Variants in CAMK4 observed in about 807,000 individuals in gnomAD.
The protein encoded by CAMK4 is calcium/calmodulin-dependent protein kinase type IV.
CAMK4 carries 22 observed loss-of-function variants against 44.9 expected under a neutral mutation model. The observed-to-expected ratio is 0.49, with a 90% confidence interval of 0.35 to 0.70. The LOEUF (loss-of-function observed/expected upper bound fraction) is 0.70. Ranked by LOEUF, CAMK4 falls within the 30% of genes least tolerant of loss-of-function variation. The probability of loss-of-function intolerance (pLI) is 0.01; values close to 1 mark genes in which losing one functional copy is unlikely to be tolerated. For synonymous variants in CAMK4, 218 were observed against 215.4 expected, an observed-to-expected ratio of 1.01 and a Z score of -0.11; for missense variants, 498 against 586.8, an observed-to-expected ratio of 0.85 and a Z score of 1.56.
At chr5:111,347,901 A>G (rs1034566361) in intron 2 of CAMK4, among the ~76,000 whole-genome samples, 3 of 152,036 alleles carry the variant, frequency 2.0e-5, no homozygotes, top group Non-Finnish European at 4.4e-5. Flanking sequence ...TATTCCATTC[A>G]ATATTTTATT....
intron 1 of CAMK4, among the ~76,000 whole-genome samples, chr5:111,242,833 T>G (rs899537351): frequency 6.8e-6 from 1 of 146,672 alleles, no homozygotes; most frequent in Non-Finnish European, 1.5e-5. Flanking sequence ...GCCCCCTCAC[T>G]CCACGCCCCC....
chr5:111,309,253 C>G (rs1748096010), intron 1 of CAMK4, among the ~76,000 whole-genome samples: 1 of 152,190 alleles, frequency 6.6e-6, no homozygotes, highest in Non-Finnish European at 1.5e-5. Flanking sequence ...CCTGAAGGGA[C>G]TTATCAATTC....
At chr5:111,422,229 A>C (rs934433078) in intron 5 of CAMK4, among the ~76,000 whole-genome samples, 23 of 152,174 alleles carry the variant, frequency 1.5e-4, no homozygotes, top group Non-Finnish European at 2.4e-4. Flanking sequence ...ACTTCCCTTC[A>C]TATAGATGAT....
intron 2 of CAMK4, among the ~76,000 whole-genome samples, chr5:111,344,835 AC>A (rs1580625137): frequency 6.6e-6 from 1 of 151,700 alleles, no homozygotes; most frequent in East Asian, 2.0e-4. Context: ...TACTGTCTAT[AC>A]CCCCAGAGAG....
At chr5:111,291,736 C>T (rs953726327) in intron 1 of CAMK4, among the ~76,000 whole-genome samples, 3 of 152,138 alleles carry the variant, frequency 2.0e-5, no homozygotes, top group African/African-American at 7.2e-5. Context: ...GTCTCAAACT[C>T]CTGGCCTCAA....
chr5:111,339,653 G>A (rs1749556520), intron 1 of CAMK4, among the ~76,000 whole-genome samples: 1 of 151,390 alleles, frequency 6.6e-6, no homozygotes. Context: ...TTGAAATCAG[G>A]TAGTGTGATG....
intron 1 of CAMK4, among the ~76,000 whole-genome samples, chr5:111,230,050 G>T (rs571923543): frequency 6.6e-6 from 1 of 152,134 alleles, no homozygotes; most frequent in African/African-American, 2.4e-5. Flanking sequence ...ATGTGTACCC[G>T]CTTCCTCTTC....
At chr5:111,435,987 C>G (rs755893334) in intron 5 of CAMK4, among the ~76,000 whole-genome samples, 3 of 152,138 alleles carry the variant, frequency 2.0e-5, no homozygotes, top group Non-Finnish European at 4.4e-5. Context: ...TCTTTATATA[C>G]TTTTATCCTG....
chr5:111,225,806 C>G (rs1410436148), intron 1 of CAMK4, among the ~76,000 whole-genome samples: 1 of 152,166 alleles, frequency 6.6e-6, no homozygotes, highest in Non-Finnish European at 1.5e-5. Flanking sequence ...GTAAAATAGG[C>G]AAACTTCTGA....
chr5:111,224,380 G>A (rs1288035161), upstream of CAMK4: 57 of 1,395,148 alleles, frequency 4.1e-5, no homozygotes, highest in Non-Finnish European at 5.0e-5. This position sits in a 1 kb window ranked among gnomAD's most constrained non-coding sequence, Gnocchi z 5.7. Context: ...GAAGGACGCC[G>A]CCTCTCTCTC....
chr5:111,429,388 T>C (rs892164792), intron 5 of CAMK4, among the ~76,000 whole-genome samples: 1 of 152,030 alleles, frequency 6.6e-6, no homozygotes, highest in Non-Finnish European at 1.5e-5. Context: ...CTAGAAGAAA[T>C]GGACAAGTTC....
At chr5:111,371,047 G>T (rs775302999) in intron 2 of CAMK4, among the ~76,000 whole-genome samples, 6 of 152,084 alleles carry the variant, frequency 3.9e-5, no homozygotes, top group Non-Finnish European at 8.8e-5. Flanking sequence ...TTTGTCATTT[G>T]GTATAAGTGT....
chr5:111,239,087 C>A (rs561985988), intron 1 of CAMK4, among the ~76,000 whole-genome samples: 2 of 152,034 alleles, frequency 1.3e-5, no homozygotes, highest in East Asian at 3.9e-4. Context: ...TAAAACTTGG[C>A]GCATCTTGAG....
At chr5:111,358,976 A>G (rs1183420957) in intron 2 of CAMK4, among the ~76,000 whole-genome samples, 14 of 152,130 alleles carry the variant, frequency 9.2e-5, no homozygotes, top group Admixed American at 7.9e-4. Flanking sequence ...TCAGTTTACC[A>G]TTGATGGACA....
At chr5:111,279,041 C>T (rs1354108885) in intron 1 of CAMK4, among the ~76,000 whole-genome samples, 1 of 152,110 alleles carries the variant, frequency 6.6e-6, no homozygotes, top group African/African-American at 2.4e-5. Context: ...TGGAGCACGG[C>T]CTTAGTATGA....
rs563671963 is a variant in CAMK4 at position 111,448,761 on chromosome 5, C to T, written c.551-368C>T. ...CAGAGGTTACAGTAAGCCGAGATCA[C>T]GCCACTGCACTCCAGCCTAGGCAAC... On this transcript the variant is annotated intron_variant, in intron 6 of 10. Coordinates refer to ENST00000282356, the MANE Select transcript of CAMK4 (RefSeq NM_001744.6). Among the ~76,000 whole-genome samples the T allele has an allele frequency of 4.6e-5, 7 of 152,204 alleles. No homozygotes were observed. The East Asian group carries it at 7.7e-4, about 17-fold the overall frequency.
At chr5:111,463,063 G>A (rs1026476479) in intron 7 of CAMK4, among the ~76,000 whole-genome samples, 2 of 152,144 alleles carry the variant, frequency 1.3e-5, no homozygotes, top group African/African-American at 2.4e-5. Flanking sequence ...AACTTATTCT[G>A]CATTGAAGAT....
At chr5:111,367,287 A>G (rs1456427027) in intron 2 of CAMK4, among the ~76,000 whole-genome samples, 1 of 151,792 alleles carries the variant, frequency 6.6e-6, no homozygotes, top group Non-Finnish European at 1.5e-5. Context: ...CCTTTCATCA[A>G]GAGCCACTCC....
At chr5:111,432,959 A>G (rs1753510780) in intron 5 of CAMK4, among the ~76,000 whole-genome samples, 1 of 152,168 alleles carries the variant, frequency 6.6e-6, no homozygotes, top group South Asian at 2.1e-4. Context: ...TTACTTTGAT[A>G]GGCAAGCACA....
Sources: allele counts gnomAD v4.1 joint callset (sites outside exome capture counted in the v4.1 genomes callset), GRCh38; gene constraint gnomAD v4.1.1; non-coding constraint Gnocchi (gnomAD v3.1); transcripts MANE v1.5; gene names NCBI Gene and HGNC (gene_info 2026-07-23, HGNC 2026-07-21).